The following SLC8A1 variants were observed in gnomAD, a reference collection of about 807,000 sequenced individuals.
SLC8A1 encodes sodium/calcium exchanger 1.
Under a neutral mutation model 68.3 loss-of-function variants are expected in SLC8A1, and 18 were observed. The observed-to-expected ratio is 0.26, with a 90% CI of 0.18 to 0.39. The LOEUF is 0.39. Ranked by LOEUF, SLC8A1 falls within the 10% of genes least tolerant of loss-of-function variation. The pLI is 1.00. For synonymous variants in SLC8A1, 475 were observed against 415.5 expected (o/e 1.14, Z -1.74); for missense variants, 985 against 1,156.7 (o/e 0.85, Z 2.15).
chr2:40,470,373 C>T (rs534018547), intron 1 of SLC8A1, among the ~76,000 whole-genome samples: 19 of 151,704 alleles, frequency 1.3e-4, no homozygotes, highest in African/African-American at 4.3e-4. Flanking sequence ...AAAGTATGCA[C>T]AAATATAAAG....
intron 2 of SLC8A1, among the ~76,000 whole-genome samples, chr2:40,390,131 C>A (rs1241523940): frequency 6.6e-6 from 1 of 152,024 alleles, no homozygotes; most frequent in African/African-American, 2.4e-5. Context: ...CTGGATTACA[C>A]AACCTAGTCA....
At chr2:40,204,748 A>G (rs754898281) in intron 2 of SLC8A1, among the ~76,000 whole-genome samples, 4 of 152,028 alleles carry the variant, frequency 2.6e-5, no homozygotes, top group Non-Finnish European at 5.9e-5. Context: ...TTATTTACTC[A>G]ATATATCCAA....
At chr2:40,445,413 C>T (rs1701263871) in intron 1 of SLC8A1, among the ~76,000 whole-genome samples, 1 of 151,946 alleles carries the variant, frequency 6.6e-6, no homozygotes, top group Admixed American at 6.6e-5. Flanking sequence ...GCCCAGAAAA[C>T]ACAGGCAAAT....
chr2:40,336,668 G>C lies in SLC8A1; in HGVS notation c.1808+91805C>G, dbSNP rs116877650. 2.1e-3 allele frequency among the ~76,000 whole-genome samples: 320 copies of C among 152,256 alleles called. 4 individuals carry two copies. Among genetic ancestry groups the C allele is most frequent in the Admixed American group, 0.015 (225 of 15,282 alleles). On this transcript the variant is annotated intron_variant, in intron 2 of 7. Coordinates refer to ENST00000406785, the Ensembl canonical transcript of SLC8A1. ...GGCTATCATAGATATAGACTGTTAAGTTCACTTTCGTTCACAAAAATACAG... is the reference window on the plus strand; with the variant it reads ...GGCTATCATAGATATAGACTGTTAACTTCACTTTCGTTCACAAAAATACAG...
intron 2 of SLC8A1, among the ~76,000 whole-genome samples, chr2:40,353,155 C>T (rs1671642134): frequency 6.6e-6 from 1 of 152,146 alleles, no homozygotes; most frequent in Admixed American, 6.5e-5. Flanking sequence ...GTTTTCAGCA[C>T]TGGATAAAGA....
intron 2 of SLC8A1, among the ~76,000 whole-genome samples, chr2:40,343,938 T>C (rs548575744): frequency 2.1e-4 from 32 of 152,158 alleles, no homozygotes; most frequent in Non-Finnish European, 2.5e-4. Context: ...CAATAATCAA[T>C]TGAAGGTCAA....
intron 2 of SLC8A1, among the ~76,000 whole-genome samples, chr2:40,340,137 C>T (rs750772269): frequency 1.3e-5 from 2 of 152,202 alleles, no homozygotes; most frequent in Non-Finnish European, 2.9e-5. Context: ...AGATATATTG[C>T]ATGCTCTTTG....
At chr2:40,147,422 G>C (rs527656025) in intron 6 of SLC8A1, among the ~76,000 whole-genome samples, 1 of 152,130 alleles carries the variant, frequency 6.6e-6, no homozygotes, top group Non-Finnish European at 1.5e-5. Flanking sequence ...TCCCGAAATA[G>C]GGAAACATTC....
intron 2 of SLC8A1, among the ~76,000 whole-genome samples, chr2:40,245,375 C>G (rs2061732672): frequency 6.9e-6 from 1 of 145,254 alleles, no homozygotes; most frequent in African/African-American, 2.6e-5. Flanking sequence ...TCGTTATTTT[C>G]CTTATGACAA....
intron 2 of SLC8A1, 149 bp downstream of exon 3, chr2:40,178,238 G>C: frequency 1.5e-6 from 1 of 686,294 alleles, no homozygotes; most frequent in South Asian, 1.7e-5. Flanking sequence ...CTACAGGCCT[G>C]CCTACTGTGG....
intron 1 of SLC8A1, among the ~76,000 whole-genome samples, chr2:40,470,075 A>T (rs1703918087): frequency 6.6e-6 from 1 of 151,806 alleles, no homozygotes; most frequent in South Asian, 2.1e-4. Context: ...TAGTACTTTC[A>T]CTGAATTCTA....
chr2:40,170,449 C>T, intron 4 of SLC8A1, 100 bp from the exon 7 acceptor site: 5 of 982,898 alleles, frequency 5.1e-6, no homozygotes, highest in Non-Finnish European at 8.0e-6. Context: ...CCCAGATGCA[C>T]ACATCACAAG....
At chr2:40,339,132 G>A (rs1039011945) in intron 2 of SLC8A1, among the ~76,000 whole-genome samples, 4 of 150,030 alleles carry the variant, frequency 2.7e-5, no homozygotes, top group South Asian at 2.1e-4. Context: ...TACCCACTAC[G>A]CGCCTCTGGC....
rs1188691306 is a variant in SLC8A1, at chr2:40,439,819, GAAAC to G, written c.-24-9519_-24-9516del. Among the ~76,000 whole-genome samples the G allele has an allele frequency of 3.9e-5, 6 of 152,218 alleles. No individual in the cohort carries two copies. In the East Asian group the frequency reaches 1.2e-3, roughly 29 times the overall value. On this transcript the variant is annotated intron_variant, in intron 1 of 7. Transcript: ENST00000406785. ...AAAGAGTGGAAGTAGGAAGTAAAAA[GAAAC>G]ATATTTTAAAAAGTCAAGGTGATGG...
chr2:40,507,769 A>T (rs926610409), intron 1 of SLC8A1, among the ~76,000 whole-genome samples: 5 of 152,062 alleles, frequency 3.3e-5, no homozygotes, highest in African/African-American at 1.2e-4. Context: ...ATAAATTAAT[A>T]CCTGTAATTT....
chr2:40,505,523 T>A (rs1484616281), intron 1 of SLC8A1, among the ~76,000 whole-genome samples: 1 of 151,772 alleles, frequency 6.6e-6, no homozygotes, highest in Non-Finnish European at 1.5e-5. Flanking sequence ...AATAAAAAAG[T>A]CACATTGGTG....
chr2:40,237,515 T>C (rs1272174301), intron 2 of SLC8A1, among the ~76,000 whole-genome samples: 1 of 151,924 alleles, frequency 6.6e-6, no homozygotes, highest in East Asian at 1.9e-4. Flanking sequence ...TCTAAATTTT[T>C]TTCAAAGTTT....
chr2:40,175,172 A>C, intron 3 of SLC8A1, 89 bp downstream of exon 4: 1 of 1,323,580 alleles, frequency 7.6e-7, no homozygotes, highest in Non-Finnish European at 1.1e-6. Flanking sequence ...GTCAAGAGAA[A>C]TAAAAGTCAC....
chr2:40,148,433 C>T (rs930131174), intron 6 of SLC8A1, among the ~76,000 whole-genome samples: 9 of 152,320 alleles, frequency 5.9e-5, no homozygotes, highest in African/African-American at 1.9e-4. Context: ...TGAATGGACT[C>T]TGTTCTGAAC....
Sources: allele counts gnomAD v4.1 joint callset (sites outside exome capture counted in the v4.1 genomes callset), GRCh38; gene constraint gnomAD v4.1.1; transcripts MANE v1.5; gene names NCBI Gene and HGNC (gene_info 2026-07-23, HGNC 2026-07-21).